The following SMPD3 variants were observed in gnomAD, a reference collection of about 807,000 sequenced individuals.
SMPD3 encodes sphingomyelin phosphodiesterase 3, also known as nSMase-2.
In SMPD3, 21 loss-of-function variants were observed where a neutral mutation model predicts 55.7. The observed-to-expected ratio is 0.38, with a 90% CI of 0.27 to 0.54. The LOEUF (loss-of-function observed/expected upper bound fraction) is 0.54. Among genes scored for constraint, SMPD3 ranks in the 20% least tolerant of loss-of-function variants. The probability of loss-of-function intolerance (pLI) is 0.80; values close to 1 mark genes in which losing one functional copy is unlikely to be tolerated. For missense variants in SMPD3, 842 were observed against 899.6 expected (o/e 0.94, Z 0.82); for synonymous variants, 457 against 404.3 (o/e 1.13, Z -1.56).
In SMPD3 at chr16:68,370,995, C is replaced by A; in HGVS notation, c.1187G>T (p.Gly396Val). 1 of 1,614,072 alleles carries A rather than the reference C, an allele frequency of 6.2e-7. No homozygotes were observed. The highest frequency in any genetic ancestry group is 8.5e-7 in the Non-Finnish European group (1 of 1,180,030). The change falls in exon 3 of 9, where the codon GGC (glycine) becomes GTC (valine). Residue 396 changes from glycine to valine, a missense_variant. Physicochemically the swap from Gly to Val is moderately radical, Grantham distance 109. Transcript: ENST00000219334. ...GTTGAGACACTTGAAGCTGCAGCAG[C>A]CCTGGCAGCCGTAGACCCCGACGTC... ...LYDVGVYGCQ[G>V]CCSFKCLNSG...
chr16:68,373,360 T>C (rs2089724001), intron 2 of SMPD3, among the ~76,000 whole-genome samples: 1 of 152,208 alleles, frequency 6.6e-6, no homozygotes, highest in African/African-American at 2.4e-5. Context: ...AAGACAAGCT[T>C]CTGGAGTGTT....
chr16:68,369,901 G>A (rs1379611804), intron 3 of SMPD3: 2 of 152,256 alleles, frequency 1.3e-5, no homozygotes, highest in African/African-American at 4.8e-5. Flanking sequence ...AAGGCGAACT[G>A]GGAAGTGAGG....
Position 68,404,301 on chromosome 16 carries a change from TGTCGGTCAGGCTG to T in SMPD3, c.-268-17655_-268-17643del, listed in dbSNP as rs2090235419. On this transcript the variant is annotated intron_variant, in intron 1 of 8. Coordinates refer to ENST00000219334, the MANE Select transcript of SMPD3 (RefSeq NM_018667.4). This position sits in a 1 kb window ranked among gnomAD's most constrained non-coding sequence, Gnocchi z 4.0. ...TTTTAGTAGAGATGGGGTTTCTCCA[TGTCGGTCAGGCTG>T]GTCTCGAACTCCCGACCTCAGGTGA... Among the ~76,000 whole-genome samples, 1 of 151,916 alleles carries T rather than the reference TGTCGGTCAGGCTG, an allele frequency of 6.6e-6. No homozygotes were observed. The highest frequency in any genetic ancestry group is 2.4e-5 in the African/African-American group (1 of 41,336).
chr16:68,363,137 G>A (rs963960828), intron 7 of SMPD3, among the ~76,000 whole-genome samples: 7 of 151,854 alleles, frequency 4.6e-5, no homozygotes, highest in Non-Finnish European at 7.4e-5. Flanking sequence ...AGCAGGCGCC[G>A]TACCCAGCAG....
intron 1 of SMPD3, among the ~76,000 whole-genome samples, chr16:68,422,429 G>A (rs1473699404): frequency 3.3e-5 from 5 of 152,142 alleles, no homozygotes; most frequent in African/African-American, 9.7e-5. Flanking sequence ...CAAGATAGAC[G>A]TATAAGGCCC....
chr16:68,372,225 C>T lies in SMPD3; in HGVS notation c.-44G>A, dbSNP rs1479485494. The T allele has an allele frequency of 5.0e-6, 8 of 1,593,110 alleles. No individual in the cohort carries two copies. Among genetic ancestry groups the T allele is most frequent in the East Asian group, 4.5e-5 (2 of 44,166 alleles). On this transcript the variant is annotated 5_prime_UTR_variant, in exon 3 of 9. Transcript: ENST00000219334. ...GCAGCCGGCCCTACTACATGGTGTC[C>T]GTGGCAGCTGCGGGCACTTTCCTGG...
chr16:68,360,404 G>A lies in SMPD3; in HGVS notation c.*802C>T, dbSNP rs1532211. 84,685 of 152,030 alleles carry A rather than the reference G, an allele frequency of 0.56. 23,968 individuals carry two copies. Among genetic ancestry groups the A allele is most frequent in the East Asian group, 0.78 (4,145 of 5,306 alleles). 9.4% of individuals were successfully genotyped at this position (152,030 alleles called of 1,614,324 possible). ...TCCCCGTTTATGGCTCCACTGCCCA[G>A]ATGGGAGGCTCCCGGAGGAGGCCCA... is the stretch of plus-strand genomic sequence containing the variant. On this transcript the variant is annotated 3_prime_UTR_variant, in exon 9 of 9. Transcript: ENST00000219334.
intron 1 of SMPD3, among the ~76,000 whole-genome samples, chr16:68,409,607 T>C (rs2090282210): frequency 6.6e-6 from 1 of 152,180 alleles, no homozygotes; most frequent in Admixed American, 6.5e-5. Flanking sequence ...TGATTGGTTT[T>C]TTTTGAGACG....
At chr16:68,385,027 C>A (rs1026715303) in intron 2 of SMPD3, among the ~76,000 whole-genome samples, 3 of 152,290 alleles carry the variant, frequency 2.0e-5, no homozygotes, top group Non-Finnish European at 4.4e-5. Flanking sequence ...TGGACATGAG[C>A]ATCAGAATTG....
In SMPD3 at chr16:68,361,074, C is replaced by G. The variant is rs556205572; in HGVS notation, c.*132G>C. 3.7e-6 allele frequency: 3 copies of G among 803,018 alleles called. No homozygotes were observed. In the South Asian group the frequency reaches 5.3e-5, roughly 14 times the overall value. The allele number at this position is 803,018 out of a possible 1,614,324, so 49.7% of individuals were successfully genotyped here. ...CAGAGCAGCGCAGCTTCCAGGTTCC[C>G]GGGCACTGACTGTGGCTCCCTCCCT... On this transcript the variant is annotated 3_prime_UTR_variant, in exon 9 of 9. Transcript: ENST00000219334.
At chr16:68,418,801 G>C (rs551401673) in intron 1 of SMPD3, among the ~76,000 whole-genome samples, 38 of 152,312 alleles carry the variant, frequency 2.5e-4, no homozygotes, top group Admixed American at 1.7e-3. Context: ...GTAAATGTCA[G>C]GTGGGCCTGA....
chr16:68,363,754 C>T lies in SMPD3; in HGVS notation c.1645+23G>A, dbSNP rs748340075. On this transcript the variant is annotated intron_variant, in intron 6 of 8. Transcript: ENST00000219334. The stretch of plus-strand genomic sequence containing the variant: ...GTCTGTGGGGAGCCCAGCTCCCATC[C>T]TCCTCCCCCAGCCCCAGCTCACCGA... The T allele has an allele frequency of 2.6e-6, 4 of 1,550,828 alleles. No individual in the cohort carries two copies. In the African/African-American group the frequency reaches 5.5e-5, roughly 21 times the overall value.
At chr16:68,443,342 G>A (rs79193696) in intron 1 of SMPD3, among the ~76,000 whole-genome samples, 1,577 of 152,282 alleles carry the variant, frequency 0.01, 18 homozygotes, top group Middle Eastern at 0.024. Context: ...AGGTGTTAGA[G>A]GCTTTGCTAT....
At chr16:68,396,599 CT>C (rs2090159705) in intron 1 of SMPD3, among the ~76,000 whole-genome samples, 2 of 152,198 alleles carry the variant, frequency 1.3e-5, no homozygotes, top group Non-Finnish European at 2.9e-5. Flanking sequence ...GTAGAGCCCC[CT>C]GAGCTCCAAG....
In SMPD3 at chr16:68,447,087, C is replaced by A. The variant is rs1056801448; in HGVS notation, c.-269+1266G>T. Among the ~76,000 whole-genome samples the A allele has an allele frequency of 3.9e-5, 6 of 151,990 alleles. No individual in the cohort carries two copies. The South Asian group carries it at 8.3e-4, about 21-fold the overall frequency. On this transcript the variant is annotated intron_variant, in intron 1 of 8. Transcript: ENST00000219334. This position sits in a 1 kb window ranked among gnomAD's most constrained non-coding sequence, Gnocchi z 5.1. ...TGCCCGCGCCGCGCCCGAAGCCCCC[C>A]CTCCGCGGCCGCGCCCCCCGCCCAG...
chr16:68,447,170 G>C lies in SMPD3; in HGVS notation c.-269+1183C>G, dbSNP rs1257030323. On this transcript the variant is annotated intron_variant, in intron 1 of 8. Coordinates refer to ENST00000219334, the MANE Select transcript of SMPD3 (RefSeq NM_018667.4). The surrounding 1 kb of genome is among the most constrained non-coding windows in gnomAD (Gnocchi z 5.1). ...CCGCTTTGTCCTCTCGAGGATGCCT[G>C]GGCCGAGCGCGAAAGCCCCATGCCT... is the stretch of plus-strand genomic sequence containing the variant. Among the ~76,000 whole-genome samples, 1 of 152,138 alleles carries C rather than the reference G, an allele frequency of 6.6e-6. No homozygotes were observed. The highest frequency in any genetic ancestry group is 1.5e-5 in the Non-Finnish European group (1 of 68,008).
Position 68,447,311 on chromosome 16 carries a change from C to A in SMPD3, c.-269+1042G>T, listed in dbSNP as rs913051323. Among the ~76,000 whole-genome samples, 4 of 152,018 alleles carry A rather than the reference C, an allele frequency of 2.6e-5. No individual in the cohort carries two copies. The highest frequency in any genetic ancestry group is 4.4e-5 in the Non-Finnish European group (3 of 67,976). On this transcript the variant is annotated intron_variant, in intron 1 of 8. Coordinates refer to ENST00000219334, the MANE Select transcript of SMPD3 (RefSeq NM_018667.4). The surrounding 1 kb of genome is among the most constrained non-coding windows in gnomAD (Gnocchi z 5.1). ...GCGGGCACGAGGTTGGGGGTAGCGTCTACCTGGAGCTCTTGAGTGCTTGAG... is the reference window on the plus strand; with the variant it reads ...GCGGGCACGAGGTTGGGGGTAGCGTATACCTGGAGCTCTTGAGTGCTTGAG...
At position 68,371,819 on chromosome 16, in the gene SMPD3, G is replaced by A. The variant is rs150858663; in HGVS notation, c.363C>T (p.Gly121=). ...TGGCAGTGGCAAAGCAGAAGCTTTT[G>A]CCAGGCCCCGTGCCCTTCCATTCAC... The part of the protein sequence containing the change: ...LLSEWKGTGP[G]KSFCFATANV... The change falls in exon 3 of 9, where the codon GGC becomes GGT. Residue 121 remains glycine (G), a synonymous_variant. Transcript: ENST00000219334. 6.5e-5 allele frequency: 104 copies of A among 1,605,784 alleles called. No individual in the cohort carries two copies. Among genetic ancestry groups the A allele is most frequent in the Non-Finnish European group, 8.8e-5 (103 of 1,176,786 alleles).
intron 3 of SMPD3, chr16:68,367,279 A>T (rs921066586): frequency 6.6e-6 from 1 of 152,430 alleles, no homozygotes; most frequent in African/African-American, 2.4e-5. Flanking sequence ...GTGGCGACGC[A>T]TGGACATTAC....
Sources: allele counts gnomAD v4.1 joint callset (sites outside exome capture counted in the v4.1 genomes callset), GRCh38; gene constraint gnomAD v4.1.1; non-coding constraint Gnocchi (gnomAD v3.1); transcripts MANE v1.5; gene names NCBI Gene and HGNC (gene_info 2026-07-23, HGNC 2026-07-21).